Variants in EXOC6B observed in about 807,000 individuals in gnomAD.
The protein encoded by EXOC6B is SEC15 homolog B.
In EXOC6B, 54 loss-of-function variants were observed where a neutral mutation model predicts 113.5. The ratio of observed to expected loss-of-function variants is 0.48; its 90% CI spans 0.38 to 0.60. The LOEUF (loss-of-function observed/expected upper bound fraction) is 0.60. Among genes scored for constraint, EXOC6B ranks in the 20% least tolerant of loss-of-function variants. The pLI is 0.00. For synonymous variants in EXOC6B, 357 were observed against 339.0 expected (o/e 1.05, Z -0.58); for missense variants, 797 against 977.5 (o/e 0.82, Z 2.46).
chr2:72,571,296 T>A (rs925851849), intron 7 of EXOC6B, among the ~76,000 whole-genome samples: 1 of 152,140 alleles, frequency 6.6e-6, no homozygotes, highest in Non-Finnish European at 1.5e-5. Context: ...ATGCCTGTAA[T>A]CCCAGCATTT....
intron 19 of EXOC6B, among the ~76,000 whole-genome samples, chr2:72,351,027 T>C (rs763996803): frequency 9.9e-5 from 15 of 152,138 alleles, no homozygotes; most frequent in Non-Finnish European, 1.8e-4. Context: ...GGGATCATGC[T>C]ACACCTTGTT....
intron 20 of EXOC6B, among the ~76,000 whole-genome samples, chr2:72,318,094 G>A (rs192242539): frequency 4.7e-4 from 72 of 152,222 alleles, no homozygotes; most frequent in African/African-American, 1.7e-3. Context: ...GACAAGCAAA[G>A]GTTTGAACAC....
At chr2:72,741,591 CAT>C (rs1452632245) in intron 1 of EXOC6B, 122 bp from the exon 2 acceptor site, 4 of 765,238 alleles carry the variant, frequency 5.2e-6, no homozygotes, top group Non-Finnish European at 8.0e-6. Flanking sequence ...TGTATATTAA[CAT>C]GCCTTATTGT....
At chr2:72,510,834 C>T (rs1472534479) in intron 11 of EXOC6B, among the ~76,000 whole-genome samples, 2 of 151,658 alleles carry the variant, frequency 1.3e-5, no homozygotes, top group African/African-American at 4.8e-5. Flanking sequence ...ACAATGGGTG[C>T]ACTACCACTA....
intron 20 of EXOC6B, among the ~76,000 whole-genome samples, chr2:72,212,536 C>G (rs1680258300): frequency 6.6e-6 from 1 of 152,144 alleles, no homozygotes; most frequent in Non-Finnish European, 1.5e-5. Flanking sequence ...TCCCTGAGTG[C>G]ATAATAAAAC....
chr2:72,313,823 T>C (rs1687349464), intron 20 of EXOC6B, among the ~76,000 whole-genome samples: 1 of 152,148 alleles, frequency 6.6e-6, no homozygotes, highest in East Asian at 1.9e-4. Flanking sequence ...TATCTGGGCC[T>C]CCCAATCCAA....
intron 18 of EXOC6B, among the ~76,000 whole-genome samples, chr2:72,423,967 T>C (rs1033578762): frequency 6.6e-6 from 1 of 152,246 alleles, no homozygotes; most frequent in African/African-American, 2.4e-5. Flanking sequence ...GAATATATTC[T>C]TTTAATACAC....
intron 16 of EXOC6B, among the ~76,000 whole-genome samples, chr2:72,487,872 AGC>A (rs1699523188): frequency 6.6e-6 from 1 of 152,238 alleles, no homozygotes; most frequent in Non-Finnish European, 1.5e-5. Flanking sequence ...TGAGCAAGGC[AGC>A]GTCTGCCAGT....
At chr2:72,404,720 T>C (rs1693604886) in intron 18 of EXOC6B, among the ~76,000 whole-genome samples, 1 of 151,936 alleles carries the variant, frequency 6.6e-6, no homozygotes, top group Non-Finnish European at 1.5e-5. Context: ...ATCACCATCA[T>C]CAAAGACCAA....
At chr2:72,586,660 G>A (rs554752412) in intron 6 of EXOC6B, among the ~76,000 whole-genome samples, 71 of 152,240 alleles carry the variant, frequency 4.7e-4, no homozygotes, top group Middle Eastern at 3.4e-3. Context: ...GCTGAGGCAG[G>A]AGAATGGCTT....
chr2:72,298,246 C>A (rs1686271923), intron 20 of EXOC6B, among the ~76,000 whole-genome samples: 1 of 151,368 alleles, frequency 6.6e-6, no homozygotes, highest in African/African-American at 2.4e-5. Flanking sequence ...ATGTAGTGCC[C>A]TTGTCTCTTT....
rs552407115 is a variant in EXOC6B, at chr2:72,381,479, T to C, written c.1981-1609A>G. Among the ~76,000 whole-genome samples, 3 of 152,296 alleles carry C rather than the reference T, an allele frequency of 2.0e-5. No homozygotes were observed. In the East Asian group the frequency reaches 5.8e-4, roughly 29 times the overall value. Reference sequence around the variant, plus strand: ...GCATGACTACAGTGTCCCTTTTATATGTTTTTTCATATGTTATGCTGGGCC... The same window carrying C: ...GCATGACTACAGTGTCCCTTTTATACGTTTTTTCATATGTTATGCTGGGCC... On this transcript the variant is annotated intron_variant, in intron 18 of 21. Coordinates refer to ENST00000272427, the MANE Select transcript of EXOC6B (RefSeq NM_015189.3).
At chr2:72,504,632 T>C (rs1700504686) in intron 11 of EXOC6B, among the ~76,000 whole-genome samples, 1 of 152,212 alleles carries the variant, frequency 6.6e-6, no homozygotes, top group South Asian at 2.1e-4. Context: ...TGGTGTATTA[T>C]GGCAAATTAC....
chr2:72,229,340 C>T (rs986794351), intron 20 of EXOC6B, among the ~76,000 whole-genome samples: 4 of 152,112 alleles, frequency 2.6e-5, no homozygotes, highest in African/African-American at 7.2e-5. Flanking sequence ...ACGAAGATTA[C>T]GAAGCAAAGA....
chr2:72,293,454 C>T (rs1030926124), intron 20 of EXOC6B, among the ~76,000 whole-genome samples: 3 of 151,970 alleles, frequency 2.0e-5, no homozygotes, highest in African/African-American at 7.2e-5. Flanking sequence ...TGAGGGTAGG[C>T]TTATGATAAA....
At chr2:72,532,353 T>C (rs1052008311) in intron 8 of EXOC6B, among the ~76,000 whole-genome samples, 2 of 152,208 alleles carry the variant, frequency 1.3e-5, no homozygotes, top group African/African-American at 4.8e-5. Context: ...ATACCCAGTA[T>C]TGTTGAGAGT....
At chr2:72,660,323 C>T (rs188855546) in intron 6 of EXOC6B, among the ~76,000 whole-genome samples, 7 of 152,266 alleles carry the variant, frequency 4.6e-5, no homozygotes, top group Admixed American at 4.6e-4. Context: ...CTTTCTCAGC[C>T]TTAGGAAAAT....
At chr2:72,382,534 T>C (rs1691750238) in intron 18 of EXOC6B, among the ~76,000 whole-genome samples, 1 of 152,190 alleles carries the variant, frequency 6.6e-6, no homozygotes, top group Non-Finnish European at 1.5e-5. Flanking sequence ...TGGTTCTATA[T>C]ACATTTTTAA....
At chr2:72,396,019 T>G (rs904782232) in intron 18 of EXOC6B, among the ~76,000 whole-genome samples, 14 of 152,224 alleles carry the variant, frequency 9.2e-5, no homozygotes, top group African/African-American at 3.4e-4. Context: ...TCTTGAAAAC[T>G]GATTATAGTA....
Sources: allele counts gnomAD v4.1 joint callset (sites outside exome capture counted in the v4.1 genomes callset), GRCh38; gene constraint gnomAD v4.1.1; transcripts MANE v1.5; gene names NCBI Gene and HGNC (gene_info 2026-07-23, HGNC 2026-07-21).